PIK3R6: variants seen among roughly 807,000 people sequenced by gnomAD.
The protein encoded by PIK3R6 is phosphoinositide-3-kinase regulatory subunit 6.
PIK3R6 carries 91 observed loss-of-function variants against 84.9 expected under a neutral mutation model. The observed-to-expected ratio is 1.07, with a 90% CI of 0.90 to 1.28. The LOEUF (loss-of-function observed/expected upper bound fraction) is 1.28. Among genes scored for constraint, PIK3R6 ranks in the 50% most tolerant of loss-of-function variants. PIK3R6 has a pLI of 0.00. For missense variants in PIK3R6, 996 were observed against 985.1 expected, an observed-to-expected ratio of 1.01 and a Z score of -0.15; for synonymous variants, 416 against 411.4, an observed-to-expected ratio of 1.01 and a Z score of -0.13.
chr17:8,807,913 G>A (rs1368353826), intron 18 of PIK3R6, among the ~76,000 whole-genome samples: 1 of 152,208 alleles, frequency 6.6e-6, no homozygotes. Context: ...GACTTGGGGT[G>A]ACCAACTTGC....
intron 18 of PIK3R6, among the ~76,000 whole-genome samples, chr17:8,805,408 G>C (rs2087174247): frequency 6.6e-6 from 1 of 152,080 alleles, no homozygotes; most frequent in Non-Finnish European, 1.5e-5. Flanking sequence ...GTGTCAGAGG[G>C]GAAGGGGAAC....
At chr17:8,843,693 T>C (rs2088746866) in intron 2 of PIK3R6, among the ~76,000 whole-genome samples, 1 of 152,046 alleles carries the variant, frequency 6.6e-6, no homozygotes, top group Non-Finnish European at 1.5e-5. Context: ...AGATTTTGCA[T>C]AACGTTTGGG....
In PIK3R6 at chr17:8,828,599, C is replaced by T; in HGVS notation, c.1281G>A (p.Leu427=). ...RVLVLGDDRM[L]GRLAQAYHRL... The stretch of plus-strand genomic sequence containing the variant: ...TGTGGTAGGCCTGGGCCAGGCGCCC[C>T]AGCATCCTGTCATCTCCGAGCACAA... The change falls in exon 11 of 20, where the codon CTG becomes CTA. Residue 427 remains leucine (L), a synonymous_variant. Coordinates refer to ENST00000619866, the MANE Select transcript of PIK3R6 (RefSeq NM_001010855.4). 6.2e-7 allele frequency: 1 copy of T among 1,613,196 alleles called. No individual in the cohort carries two copies. The highest frequency in any genetic ancestry group is 8.5e-7 in the Non-Finnish European group (1 of 1,179,642).
rs771720268 is a variant in PIK3R6, at chr17:8,803,992, G to T, written c.2108+49C>A. On this transcript the variant is annotated intron_variant, in intron 19 of 19. Coordinates refer to ENST00000619866, the MANE Select transcript of PIK3R6 (RefSeq NM_001010855.4). This position sits in a 1 kb window ranked among gnomAD's most constrained non-coding sequence, Gnocchi z 5.0. ...ATGGCAGGAGCTGGCTCCTGCTTCA[G>T]TTTGTCCCACGGGCCCTGGACATCT... is the stretch of plus-strand genomic sequence containing the variant. The T allele has an allele frequency of 7.9e-6, 12 of 1,515,286 alleles. No individual in the cohort carries two copies. The South Asian group carries it at 1.4e-4, about 17-fold the overall frequency. 93.9% of individuals were successfully genotyped at this position (1,515,286 alleles called of 1,614,324 possible).
chr17:8,824,928 C>T (rs2087869565), intron 13 of PIK3R6, among the ~76,000 whole-genome samples: 1 of 152,096 alleles, frequency 6.6e-6, no homozygotes, highest in African/African-American at 2.4e-5. Flanking sequence ...GAGCTCAGTA[C>T]AGTGACAAGT....
intron 2 of PIK3R6, 116 bp downstream of exon 2, chr17:8,849,666 G>A (rs2088894757): frequency 8.2e-7 from 1 of 1,217,138 alleles, no homozygotes. Flanking sequence ...TTGGGGTCTT[G>A]CAGCCTGTCT....
intron 2 of PIK3R6, among the ~76,000 whole-genome samples, chr17:8,846,451 T>G (rs1464056432): frequency 1.3e-5 from 2 of 152,182 alleles, no homozygotes; most frequent in African/African-American, 4.8e-5. Flanking sequence ...GGGCCCTTTT[T>G]TGGTTCCATA....
chr17:8,835,270 T>C lies in PIK3R6; in HGVS notation c.645+3A>G. The C allele has an allele frequency of 6.5e-7, 1 of 1,538,920 alleles. No homozygotes were observed. Among genetic ancestry groups the C allele is most frequent in the Non-Finnish European group, 8.8e-7 (1 of 1,134,618 alleles). Reference sequence around the variant, plus strand: ...GACAAGGGGCTGCAGGCAGGGCCATTACCTGCAGCTTCCTGTGCAGAGCGC... The same window carrying C: ...GACAAGGGGCTGCAGGCAGGGCCATCACCTGCAGCTTCCTGTGCAGAGCGC... On this transcript the variant is annotated splice_donor_region_variant and intron_variant, in intron 8 of 19. Coordinates refer to ENST00000619866, the MANE Select transcript of PIK3R6 (RefSeq NM_001010855.4).
At chr17:8,830,294 A>G (rs146441979) in intron 9 of PIK3R6, among the ~76,000 whole-genome samples, 40 of 152,316 alleles carry the variant, frequency 2.6e-4, no homozygotes, top group African/African-American at 8.4e-4. Context: ...GGGCAGCAGG[A>G]ACCCCGGGCA....
At chr17:8,815,506 G>A (rs9900891) in intron 18 of PIK3R6, among the ~76,000 whole-genome samples, 19,682 of 109,564 alleles carry the variant, frequency 0.18, 2,307 homozygotes, top group African/African-American at 0.36. Context: ...CTCAGTCTCA[G>A]AAAAAAAAAA....
intron 18 of PIK3R6, among the ~76,000 whole-genome samples, chr17:8,816,021 A>T (rs2087527084): frequency 6.6e-6 from 1 of 152,188 alleles, no homozygotes; most frequent in South Asian, 2.1e-4. Context: ...ATTTCTCTAG[A>T]AGGAAAATTT....
At chr17:8,827,041 A>G in intron 13 of PIK3R6, 131 bp downstream of exon 13, 1 of 1,050,310 alleles carries the variant, frequency 9.5e-7, no homozygotes, top group Admixed American at 2.6e-5. Flanking sequence ...GGTCAAGTGC[A>G]GCAGCAAAAA....
chr17:8,832,683 C>CG (rs1159004669), intron 9 of PIK3R6, among the ~76,000 whole-genome samples: 1 of 151,950 alleles, frequency 6.6e-6, no homozygotes, highest in Non-Finnish European at 1.5e-5. Context: ...GGTTAACAGG[C>CG]GTGAGCCACC....
At chr17:8,809,601 C>A (rs190151505) in intron 18 of PIK3R6, among the ~76,000 whole-genome samples, 40 of 152,158 alleles carry the variant, frequency 2.6e-4, no homozygotes, top group African/African-American at 8.9e-4. Context: ...TTGAGACTAG[C>A]CTGGGCAACG....
chr17:8,821,832 TC>T lies in PIK3R6; in HGVS notation c.1879+13del. The T allele has an allele frequency of 6.3e-7, 1 of 1,579,146 alleles. No homozygotes were observed. Among genetic ancestry groups the T allele is most frequent in the Non-Finnish European group, 8.6e-7 (1 of 1,160,922 alleles). On this transcript the variant is annotated intron_variant, in intron 17 of 19. Coordinates refer to ENST00000619866, the MANE Select transcript of PIK3R6 (RefSeq NM_001010855.4). ...TCTTCTCTCTTTCTTTGCTCTGCAT[TC>T]CCCATTCCTCACCTTCTGTGTCGCT... is the stretch of plus-strand genomic sequence containing the variant.
chr17:8,856,805 AATCTT>A (rs2089152164), intron 1 of PIK3R6, among the ~76,000 whole-genome samples: 1 of 151,882 alleles, frequency 6.6e-6, no homozygotes, highest in African/African-American at 2.4e-5. Context: ...CTGATTTCTT[AATCTT>A]AAGTATATTT....
At chr17:8,852,608 G>A (rs559964706) in intron 1 of PIK3R6, among the ~76,000 whole-genome samples, 54 of 152,076 alleles carry the variant, frequency 3.6e-4, no homozygotes, top group East Asian at 7.7e-4. Flanking sequence ...GTGTGGTGGC[G>A]TGTGCCTGTA....
At position 8,834,668 on chromosome 17, in the gene PIK3R6, T is replaced by C. The variant is rs113522536; in HGVS notation, c.645+605A>G. Among the ~76,000 whole-genome samples the C allele has an allele frequency of 7.2e-3, 1,099 of 151,992 alleles. 16 individuals are homozygous for C. The highest frequency in any genetic ancestry group is 0.025 in the African/African-American group (1,043 of 41,464). On this transcript the variant is annotated intron_variant, in intron 8 of 19. Coordinates refer to ENST00000619866, the MANE Select transcript of PIK3R6 (RefSeq NM_001010855.4). Reference sequence around the variant, plus strand: ...TCGGCCTCTCAAGTACCTGCAATTATAGGCATGAACCACCACACCAGGCTC... The same window carrying C: ...TCGGCCTCTCAAGTACCTGCAATTACAGGCATGAACCACCACACCAGGCTC...
intron 1 of PIK3R6, among the ~76,000 whole-genome samples, chr17:8,864,363 T>C (rs1233132651): frequency 6.6e-6 from 1 of 151,900 alleles, no homozygotes; most frequent in African/African-American, 2.4e-5. Flanking sequence ...AATCACAATG[T>C]TCATGCTCCT....
Sources: allele counts gnomAD v4.1 joint callset (sites outside exome capture counted in the v4.1 genomes callset), GRCh38; gene constraint gnomAD v4.1.1; non-coding constraint Gnocchi (gnomAD v3.1); transcripts MANE v1.5; gene names NCBI Gene and HGNC (gene_info 2026-07-23, HGNC 2026-07-21).